Variants in KCNQ5 observed in about 807,000 individuals in gnomAD.
KCNQ5 encodes the protein potassium voltage-gated channel subfamily Q member 5, also known as potassium voltage-gated channel subfamily KQT member 5.
Under a neutral mutation model 98.2 loss-of-function variants are expected in KCNQ5, and 30 were observed. The observed-to-expected ratio is 0.31, with a 90% CI of 0.23 to 0.41. The LOEUF (loss-of-function observed/expected upper bound fraction) is 0.41. KCNQ5 is among the 10% of genes least tolerant of loss of function. KCNQ5 has a pLI of 1.00. For missense variants in KCNQ5, 835 were observed against 1,182.5 expected, an observed-to-expected ratio of 0.71 and a Z score of 4.31; for synonymous variants, 458 against 449.4, an observed-to-expected ratio of 1.02 and a Z score of -0.24.
At chr6:72,909,044 A>G (rs1779815062) in intron 1 of KCNQ5, among the ~76,000 whole-genome samples, 1 of 152,184 alleles carries the variant, frequency 6.6e-6, no homozygotes, top group African/African-American at 2.4e-5. Flanking sequence ...AATATCTAAA[A>G]TAGAAAAATC....
intron 1 of KCNQ5, among the ~76,000 whole-genome samples, chr6:72,943,907 A>T (rs1434628001): frequency 6.6e-6 from 1 of 152,236 alleles, no homozygotes; most frequent in African/African-American, 2.4e-5. Context: ...TTTAACCTTC[A>T]CAACAGCTGT....
intron 1 of KCNQ5, among the ~76,000 whole-genome samples, chr6:72,917,622 G>A (rs886524305): frequency 6.6e-6 from 1 of 151,966 alleles, no homozygotes; most frequent in African/African-American, 2.4e-5. Context: ...ACAGGCACAT[G>A]CCACCACACC....
chr6:72,710,062 G>A (rs926043090), intron 1 of KCNQ5, among the ~76,000 whole-genome samples: 42 of 152,064 alleles, frequency 2.8e-4, no homozygotes, highest in African/African-American at 1.0e-3. Flanking sequence ...GGAAAGAATG[G>A]TAACAGATAA....
At chr6:73,041,850 C>G in intron 2 of KCNQ5, 86 bp from the exon 3 acceptor site, 1 of 1,501,508 alleles carries the variant, frequency 6.7e-7, no homozygotes, top group Non-Finnish European at 9.2e-7. Context: ...GACAAAGTGC[C>G]TAAATGTCCA....
intron 2 of KCNQ5, among the ~76,000 whole-genome samples, chr6:73,016,035 C>A (rs1310648634): frequency 1.3e-5 from 2 of 151,966 alleles, no homozygotes; most frequent in Non-Finnish European, 2.9e-5. Context: ...AACAAAACAG[C>A]CAAAATCTCT....
At chr6:73,193,809 A>G (rs1765687021) in intron 13 of KCNQ5, among the ~76,000 whole-genome samples, 1 of 151,550 alleles carries the variant, frequency 6.6e-6, no homozygotes, top group Admixed American at 6.6e-5. Context: ...GAGACTTAGG[A>G]AAGACAATCT....
intron 1 of KCNQ5, among the ~76,000 whole-genome samples, chr6:72,788,739 C>G (rs1402806014): frequency 2.0e-5 from 3 of 151,974 alleles, no homozygotes; most frequent in Non-Finnish European, 2.9e-5. Flanking sequence ...TATCATATAC[C>G]TATTCATTTG....
intron 10 of KCNQ5, among the ~76,000 whole-genome samples, chr6:73,152,996 G>A (rs1024877607): frequency 6.6e-6 from 1 of 152,060 alleles, no homozygotes; most frequent in African/African-American, 2.4e-5. Context: ...TGGATGAAGG[G>A]GTGAACTCTC....
At chr6:72,703,438 T>C (rs543857494) in intron 1 of KCNQ5, among the ~76,000 whole-genome samples, 1 of 152,356 alleles carries the variant, frequency 6.6e-6, no homozygotes, top group East Asian at 1.9e-4. Flanking sequence ...TTTGTTTTTG[T>C]TTTGTAGTTA....
chr6:72,693,350 G>A (rs1768310393), intron 1 of KCNQ5, among the ~76,000 whole-genome samples: 1 of 152,026 alleles, frequency 6.6e-6, no homozygotes, highest in African/African-American at 2.4e-5. Context: ...TTGATAAGGA[G>A]TGCCAAATCC....
At chr6:72,996,305 T>C (rs1769296709) in intron 1 of KCNQ5, among the ~76,000 whole-genome samples, 1 of 152,218 alleles carries the variant, frequency 6.6e-6, no homozygotes, top group Non-Finnish European at 1.5e-5. Flanking sequence ...GAAACAAATA[T>C]GTTAAAAGAT....
At chr6:72,767,348 C>A (rs1013096486) in intron 1 of KCNQ5, among the ~76,000 whole-genome samples, 8 of 151,856 alleles carry the variant, frequency 5.3e-5, no homozygotes, top group African/African-American at 1.9e-4. Context: ...CAAAATGGAT[C>A]AAGACCTAAA....
intron 1 of KCNQ5, among the ~76,000 whole-genome samples, chr6:72,901,325 C>T (rs1275734211): frequency 6.6e-6 from 1 of 152,020 alleles, no homozygotes. Context: ...GCTTACTGTT[C>T]CTTTTGTCAT....
At chr6:72,853,982 T>C (rs1242629964) in intron 1 of KCNQ5, among the ~76,000 whole-genome samples, 1 of 152,216 alleles carries the variant, frequency 6.6e-6, no homozygotes. Context: ...AAATATGCCA[T>C]TTTTTGTAAA....
chr6:72,650,865 C>T (rs1004986068), intron 1 of KCNQ5, among the ~76,000 whole-genome samples: 1 of 151,924 alleles, frequency 6.6e-6, no homozygotes, highest in Non-Finnish European at 1.5e-5. Context: ...CTAGAGATGC[C>T]ATGAGAATGA....
chr6:72,896,542 G>A (rs191230558), intron 1 of KCNQ5, among the ~76,000 whole-genome samples: 26 of 152,256 alleles, frequency 1.7e-4, no homozygotes, highest in Admixed American at 4.6e-4. Context: ...TTCAGAGTCA[G>A]AAGGTCAGAT....
chr6:72,875,997 A>T (rs368581556), intron 1 of KCNQ5, among the ~76,000 whole-genome samples: 11 of 152,004 alleles, frequency 7.2e-5, no homozygotes, highest in Admixed American at 3.9e-4. Context: ...TATAGAAATT[A>T]TGTCACATGA....
intron 1 of KCNQ5, among the ~76,000 whole-genome samples, chr6:72,639,649 C>T (rs2098926145): frequency 6.6e-6 from 1 of 152,078 alleles, no homozygotes; most frequent in Non-Finnish European, 1.5e-5. Flanking sequence ...CTTGCAGTCT[C>T]TAAGAGAGAT....
chr6:72,987,088 A>C (rs1277755002), intron 1 of KCNQ5: 7 of 674,892 alleles, frequency 1.0e-5, no homozygotes. Context: ...AGTAAAACGA[A>C]GCCAAAGTTG....
Sources: allele counts gnomAD v4.1 joint callset (sites outside exome capture counted in the v4.1 genomes callset), GRCh38; gene constraint gnomAD v4.1.1; transcripts MANE v1.5; gene names NCBI Gene and HGNC (gene_info 2026-07-23, HGNC 2026-07-21).